The following CACNA1B variants were observed in gnomAD, a reference collection of about 807,000 sequenced individuals.
CACNA1B encodes calcium voltage-gated channel subunit alpha1 B.
In CACNA1B, 70 loss-of-function variants were observed where a neutral mutation model predicts 247.2. The ratio of observed to expected loss-of-function variants is 0.28; its 90% CI spans 0.23 to 0.35. The LOEUF is 0.35. Ranked by LOEUF, CACNA1B falls within the 10% of genes least tolerant of loss-of-function variation. The pLI is 1.00. For synonymous variants in CACNA1B, 1,231 were observed against 1,294.4 expected (o/e 0.95, Z 1.05); for missense variants, 2,367 against 3,197.4 (o/e 0.74, Z 6.26).
chr9:138,112,948 T>C (rs189825774), intron 40 of CACNA1B, among the ~76,000 whole-genome samples: 19 of 146,844 alleles, frequency 1.3e-4, no homozygotes, highest in Non-Finnish European at 1.9e-4. Context: ...CAACTCCATC[T>C]TGGAGAGGTG....
intron 31 of CACNA1B, among the ~76,000 whole-genome samples, chr9:138,060,875 A>C (rs1589104149): frequency 6.7e-6 from 1 of 149,708 alleles, no homozygotes; most frequent in African/African-American, 2.5e-5. Flanking sequence ...CGTTCCCCCC[A>C]CCCTTTCTAG....
At chr9:138,081,375 T>G (rs761950607) in intron 36 of CACNA1B, among the ~76,000 whole-genome samples, 1 of 152,240 alleles carries the variant, frequency 6.6e-6, no homozygotes, top group African/African-American at 2.4e-5. Context: ...GTCTCCTTAC[T>G]GAAACTGTAA....
rs1958711159 is a variant in CACNA1B, at chr9:138,010,541, C to T, written c.2160+464C>T. 6.6e-6 allele frequency among the ~76,000 whole-genome samples: 1 copy of T among 152,192 alleles called. No individual in the cohort carries two copies. Among genetic ancestry groups the T allele is most frequent in the African/African-American group, 2.4e-5 (1 of 41,448 alleles). ...CCGGATGACACAGTCCCCTCCTGGTCATGCTCTCCCCAGCCCTGGACACTT... is the reference window on the plus strand; with the variant it reads ...CCGGATGACACAGTCCCCTCCTGGTTATGCTCTCCCCAGCCCTGGACACTT... On this transcript the variant is annotated intron_variant, in intron 17 of 46. Transcript: ENST00000371372. This position sits in a 1 kb window ranked among gnomAD's most constrained non-coding sequence, Gnocchi z 5.3.
intron 36 of CACNA1B, among the ~76,000 whole-genome samples, chr9:138,078,624 G>A (rs1212168330): frequency 1.3e-5 from 2 of 152,186 alleles, no homozygotes; most frequent in Non-Finnish European, 2.9e-5. Flanking sequence ...CGGCAGGGCA[G>A]GCCCCAGAGG....
intron 3 of CACNA1B, among the ~76,000 whole-genome samples, chr9:137,884,985 G>C (rs1361607629): frequency 4.2e-5 from 4 of 96,162 alleles, no homozygotes; most frequent in South Asian, 7.9e-4. Flanking sequence ...CACTTTGCCT[G>C]TCTAGCCCTT....
At chr9:138,095,337 C>A (rs538937266) in intron 36 of CACNA1B, among the ~76,000 whole-genome samples, 37 of 152,244 alleles carry the variant, frequency 2.4e-4, no homozygotes, top group African/African-American at 7.0e-4. Flanking sequence ...ATGCAAATGG[C>A]AAACAATCAC....
chr9:137,958,838 A>T (rs1279214764), intron 10 of CACNA1B, among the ~76,000 whole-genome samples: 1 of 152,114 alleles, frequency 6.6e-6, no homozygotes, highest in African/African-American at 2.4e-5. Context: ...TGATGAGTGT[A>T]GAGTAATATT....
At position 138,113,021 on chromosome 9, in the gene CACNA1B, C is replaced by T. The variant is rs1961704788; in HGVS notation, c.5536+516C>T. ...AGACGTGAGGGAGCGCAGAGAGGTG[C>T]CCAACTCCTTCTTGTGAGAGACGTG... is the stretch of plus-strand genomic sequence containing the variant. On this transcript the variant is annotated intron_variant, in intron 40 of 46. Transcript: ENST00000371372. Among the ~76,000 whole-genome samples, 6 of 146,358 alleles carry T rather than the reference C, an allele frequency of 4.1e-5. No homozygotes were observed. The South Asian group carries it at 1.3e-3, about 32-fold the overall frequency.
rs1962190382 is a variant in CACNA1B at position 138,124,168 on chromosome 9, C to T, written c.*2169C>T. 6.6e-6 allele frequency: 1 copy of T among 152,100 alleles called. No homozygotes were observed. Among genetic ancestry groups the T allele is most frequent in the Admixed American group, 6.6e-5 (1 of 15,256 alleles). 9.4% of individuals were successfully genotyped at this position (152,100 alleles called of 1,614,324 possible). A position where few individuals can be genotyped will look rare whatever the true frequency, so the allele number is the denominator to read the frequency against. On this transcript the variant is annotated 3_prime_UTR_variant, in exon 47 of 47. Transcript: ENST00000371372. Reference sequence around the variant, plus strand: ...GTCTTCTCCGGCTATCATATATGTCCCCTGAATCTCATAGTGAGCTGCCAA... The same window carrying T: ...GTCTTCTCCGGCTATCATATATGTCTCCTGAATCTCATAGTGAGCTGCCAA...
chr9:138,065,544 C>A (rs1449512544), intron 31 of CACNA1B, among the ~76,000 whole-genome samples: 1 of 152,178 alleles, frequency 6.6e-6, no homozygotes, highest in Admixed American at 6.5e-5. Context: ...CACTGGTGTT[C>A]CTCCTCTGCG....
Position 138,121,008 on chromosome 9 carries a change from G to A in CACNA1B, c.6489+127G>A. On this transcript the variant is annotated intron_variant, in intron 46 of 46. Coordinates refer to ENST00000371372, the MANE Select transcript of CACNA1B (RefSeq NM_000718.4). The surrounding 1 kb of genome is among the most constrained non-coding windows in gnomAD (Gnocchi z 6.8). Reference sequence around the variant, plus strand: ...CTTTGTCATTCCCAGCAACCCAAGGGCCGGGCGCTCCCCTCTGTGCCCTGT... The same window carrying A: ...CTTTGTCATTCCCAGCAACCCAAGGACCGGGCGCTCCCCTCTGTGCCCTGT... 8.8e-7 allele frequency: 1 copy of A among 1,135,542 alleles called. No individual in the cohort carries two copies. The highest frequency in any genetic ancestry group is 1.2e-6 in the Non-Finnish European group (1 of 815,478). 70.3% of individuals were successfully genotyped at this position (1,135,542 alleles called of 1,614,324 possible). A position where few individuals can be genotyped will look rare whatever the true frequency, so the allele number is the denominator to read the frequency against.
intron 41 of CACNA1B, 64 bp downstream of exon 41, chr9:138,114,554 G>A (rs1228313304): frequency 1.3e-6 from 1 of 788,494 alleles, no homozygotes; most frequent in South Asian, 1.5e-5. Context: ...GCATCCTTCG[G>A]GGGGTTGACG....
chr9:138,075,572 G>A (rs530677360), intron 34 of CACNA1B, among the ~76,000 whole-genome samples: 3 of 152,226 alleles, frequency 2.0e-5, no homozygotes, highest in Non-Finnish European at 2.9e-5. Context: ...GGCCGTTCTT[G>A]TGAGTGTTTC....
Position 137,986,253 on chromosome 9 carries a change from G to A in CACNA1B, c.1770-160G>A, listed in dbSNP as rs1224542064. On this transcript the variant is annotated intron_variant, in intron 13 of 46. Transcript: ENST00000371372. The surrounding 1 kb of genome is among the most constrained non-coding windows in gnomAD (Gnocchi z 6.0). ...GGGCCCTCAGGGAGAGAAGTCCAGG[G>A]TAGTGGGCCTGAAACTCCAGAGAAA... 6.6e-6 allele frequency among the ~76,000 whole-genome samples: 1 copy of A among 152,156 alleles called. No individual in the cohort carries two copies. The highest frequency in any genetic ancestry group is 6.5e-5 in the Admixed American group (1 of 15,284).
At chr9:137,946,479 C>T (rs369433896) in intron 6 of CACNA1B, among the ~76,000 whole-genome samples, 4 of 152,144 alleles carry the variant, frequency 2.6e-5, no homozygotes, top group African/African-American at 9.7e-5. Context: ...AGAGTCCTTC[C>T]CCCTTCCAGG....
Position 137,984,302 on chromosome 9 carries a change from G to A in CACNA1B, c.1769+52G>A, listed in dbSNP as rs368808075. 385 of 1,297,168 alleles carry A rather than the reference G, an allele frequency of 3.0e-4. 1 individual carries two copies. In the African/African-American group the frequency reaches 4.8e-3, roughly 16 times the overall value. The allele number at this position is 1,297,168 out of a possible 1,614,324, so 80.4% of individuals were successfully genotyped here. A position where few individuals can be genotyped will look rare whatever the true frequency, so the allele number is the denominator to read the frequency against. ...GGCAGGTGTAGGGTGGAGAGGGCGT[G>A]GGATCAGCCACACAGGGTGCTTGTC... On this transcript the variant is annotated intron_variant, in intron 13 of 46. Coordinates refer to ENST00000371372, the MANE Select transcript of CACNA1B (RefSeq NM_000718.4).
At chr9:137,908,882 C>T (rs559829297) in intron 3 of CACNA1B, among the ~76,000 whole-genome samples, 18 of 152,174 alleles carry the variant, frequency 1.2e-4, no homozygotes, top group South Asian at 2.1e-4. Context: ...CCGTCCGCCT[C>T]GGCCTCCCAA....
intron 39 of CACNA1B, among the ~76,000 whole-genome samples, chr9:138,107,813 C>T (rs1252805217): frequency 2.0e-5 from 3 of 152,014 alleles, no homozygotes; most frequent in Non-Finnish European, 2.9e-5. Context: ...AGTGAAACCC[C>T]GTCTCTACTA....
chr9:137,984,326 TCCCCA>T (rs1471821680), intron 13 of CACNA1B, 76 bp downstream of exon 13: 14 of 1,003,182 alleles, frequency 1.4e-5, no homozygotes. Flanking sequence ...AGGGTGCTTG[TCCCCA>T]GGAGTTCACA....
Sources: gnomAD v4.1 joint callset for allele counts (sites outside exome capture counted in the v4.1 genomes callset) on GRCh38, gnomAD v4.1.1 for gene constraint, Gnocchi (gnomAD v3.1) non-coding constraint, MANE v1.5 for transcripts, NCBI Gene and HGNC (gene_info 2026-07-23, HGNC 2026-07-21) for gene names.